The following SLMAP variants were observed in gnomAD, a reference collection of about 807,000 sequenced individuals.
The protein encoded by SLMAP is sarcolemmal membrane-associated protein.
Under a neutral mutation model 128.8 loss-of-function variants are expected in SLMAP, and 44 were observed. The observed-to-expected ratio is 0.34, with a 90% CI of 0.27 to 0.44. The LOEUF (loss-of-function observed/expected upper bound fraction) is 0.44, where lower values mean the gene tolerates loss of function less well. Ranked by LOEUF, SLMAP falls within the 20% of genes least tolerant of loss-of-function variation. The pLI, the probability that SLMAP is intolerant of heterozygous loss-of-function variation, is 1.00. For synonymous variants in SLMAP, 327 were observed against 348.8 expected, an observed-to-expected ratio of 0.94 and a Z score of 0.70; for missense variants, 787 against 985.3, an observed-to-expected ratio of 0.80 and a Z score of 2.69.
intron 2 of SLMAP, among the ~76,000 whole-genome samples, chr3:57,771,219 T>C (rs2080827932): frequency 8.0e-6 from 1 of 125,642 alleles, no homozygotes; most frequent in Admixed American, 7.8e-5. Context: ...TCCTCCTCCT[T>C]TGAGAGAGAG....
intron 13 of SLMAP, among the ~76,000 whole-genome samples, chr3:57,867,888 G>A (rs573928566): frequency 2.2e-4 from 33 of 152,232 alleles, no homozygotes; most frequent in African/African-American, 7.7e-4. Flanking sequence ...CACAGGTTTT[G>A]TACTGTAAAT....
chr3:57,821,912 T>TTCCTCCTCCTCCTCC (rs112836711), intron 2 of SLMAP, among the ~76,000 whole-genome samples: 16 of 148,656 alleles, frequency 1.1e-4, no homozygotes, highest in South Asian at 4.3e-4. Context: ...GCAATACCTG[T>TTCCTCCTCCTCCTCC]TCCTCCTCCT....
At chr3:57,917,243 G>A in intron 22 of SLMAP, 166 bp downstream of exon 22, 1 of 1,480,744 alleles carries the variant, frequency 6.8e-7, no homozygotes, top group Non-Finnish European at 9.0e-7. Context: ...GCATATCATG[G>A]TCCATATGTA....
At chr3:57,884,266 T>A (rs1336063138) in intron 14 of SLMAP, among the ~76,000 whole-genome samples, 1 of 152,158 alleles carries the variant, frequency 6.6e-6, no homozygotes, top group Non-Finnish European at 1.5e-5. Context: ...CAGACAAGTA[T>A]CTCTTTCTTT....
chr3:57,822,548 G>T (rs1407574919), intron 2 of SLMAP, among the ~76,000 whole-genome samples: 1 of 152,162 alleles, frequency 6.6e-6, no homozygotes, highest in Non-Finnish European at 1.5e-5. Context: ...AAGGAAAGAG[G>T]CTGGTAAGTT....
At chr3:57,828,527 G>A (rs1226101607) in intron 2 of SLMAP, among the ~76,000 whole-genome samples, 1 of 152,178 alleles carries the variant, frequency 6.6e-6, no homozygotes, top group African/African-American at 2.4e-5. Context: ...TGAAAAGGAT[G>A]CAGAAGGAAA....
At chr3:57,791,590 G>C (rs1248879464) in intron 2 of SLMAP, among the ~76,000 whole-genome samples, 1 of 151,836 alleles carries the variant, frequency 6.6e-6, no homozygotes, top group Non-Finnish European at 1.5e-5. Flanking sequence ...AAAAAGTTAA[G>C]GTATGAATAA....
chr3:57,892,377 C>T (rs1011992731), intron 15 of SLMAP, among the ~76,000 whole-genome samples: 2 of 152,142 alleles, frequency 1.3e-5, no homozygotes, highest in African/African-American at 4.8e-5. Context: ...TCTGTTTAAT[C>T]TCTAACTCAA....
At chr3:57,786,166 AC>A in intron 2 of SLMAP, among the ~76,000 whole-genome samples, 1 of 152,174 alleles carries the variant, frequency 6.6e-6, no homozygotes. Flanking sequence ...TGTGGTAATA[AC>A]TCCAAAACCA....
Position 57,854,308 on chromosome 3 carries a change from A to G in SLMAP, c.520-3425A>G, listed in dbSNP as rs1402583925. Among the ~76,000 whole-genome samples, 3 of 105,846 alleles carry G rather than the reference A, an allele frequency of 2.8e-5. No homozygotes were observed. In the East Asian group the frequency reaches 8.3e-4, roughly 29 times the overall value. 69.4% of individuals were successfully genotyped at this position (105,846 alleles called of 152,430 possible). A position where few individuals can be genotyped will look rare whatever the true frequency, so the allele number is the denominator to read the frequency against. On this transcript the variant is annotated intron_variant, in intron 6 of 24. Coordinates refer to ENST00000671191, the MANE Select transcript of SLMAP (RefSeq NM_001377540.1). ...TGAAGCAATCTCTCTTTTTAAATGT[A>G]TATATTGGCCGGGCACGGGGGCTCT...
At position 57,912,743 on chromosome 3, in the gene SLMAP, A is replaced by G. The variant is rs762494829; in HGVS notation, c.2020+42A>G. On this transcript the variant is annotated intron_variant, in intron 20 of 24. Coordinates refer to ENST00000671191, the MANE Select transcript of SLMAP (RefSeq NM_001377540.1). ...TACATAAAGCTGTTAACTTTTGACA[A>G]TGATAACTTCTTAACTTGTTTAAAA... is the stretch of plus-strand genomic sequence containing the variant. The G allele has an allele frequency of 4.8e-6, 7 of 1,455,448 alleles. No homozygotes were observed. In the African/African-American group the frequency reaches 9.9e-5, roughly 21 times the overall value. 90.2% of individuals were successfully genotyped at this position (1,455,448 alleles called of 1,614,324 possible).
chr3:57,887,379 G>A (rs2095921786), intron 14 of SLMAP, among the ~76,000 whole-genome samples: 1 of 151,828 alleles, frequency 6.6e-6, no homozygotes, highest in South Asian at 2.1e-4. Flanking sequence ...ACAGACATGC[G>A]CCACCACATC....
chr3:57,775,532 A>T (rs932866256), intron 2 of SLMAP, among the ~76,000 whole-genome samples: 9 of 148,470 alleles, frequency 6.1e-5, no homozygotes, highest in African/African-American at 2.0e-4. Context: ...AAAAAAAAAA[A>T]AAAAAAGAGC....
chr3:57,874,988 G>C (rs773840811), intron 14 of SLMAP, among the ~76,000 whole-genome samples: 1 of 152,104 alleles, frequency 6.6e-6, no homozygotes, highest in Non-Finnish European at 1.5e-5. Flanking sequence ...TACAAAAGGT[G>C]TTTGAAGATT....
chr3:57,856,450 A>G (rs189811493), intron 6 of SLMAP, among the ~76,000 whole-genome samples: 22 of 152,242 alleles, frequency 1.4e-4, no homozygotes, highest in African/African-American at 4.3e-4. Flanking sequence ...TACTTTTTAA[A>G]CTTTTTTGTT....
Position 57,785,923 on chromosome 3 carries a change from T to C in SLMAP, c.198+28074T>C, listed in dbSNP as rs545856349. On this transcript the variant is annotated intron_variant, in intron 2 of 24. Coordinates refer to ENST00000671191, the MANE Select transcript of SLMAP (RefSeq NM_001377540.1). ...GAAAATATAAGTACCTTTATAGTTA[T>C]TTCAGCAAACATTTATCAGTCTTCT... Among the ~76,000 whole-genome samples the C allele has an allele frequency of 6.2e-4, 94 of 152,324 alleles. 1 individual carries two copies. Among genetic ancestry groups the C allele is most frequent in the Non-Finnish European group, 5.7e-4 (39 of 68,024 alleles).
At chr3:57,859,116 G>T (rs1402839006) in intron 8 of SLMAP, among the ~76,000 whole-genome samples, 1 of 152,086 alleles carries the variant, frequency 6.6e-6, no homozygotes, top group Non-Finnish European at 1.5e-5. Context: ...TTGAGGTCAG[G>T]AGTTCAAAAC....
chr3:57,773,147 G>A (rs1401428849), intron 2 of SLMAP, among the ~76,000 whole-genome samples: 1 of 152,186 alleles, frequency 6.6e-6, no homozygotes, highest in Non-Finnish European at 1.5e-5. Flanking sequence ...TGAGATGCCA[G>A]CATCCAAGAA....
chr3:57,837,475 TC>T (rs1182064280), intron 3 of SLMAP, among the ~76,000 whole-genome samples: 1 of 152,156 alleles, frequency 6.6e-6, no homozygotes, highest in Non-Finnish European at 1.5e-5. Context: ...TTCTTGCCAT[TC>T]TCCTGCCTCA....
Sources: gnomAD v4.1 joint callset for allele counts (sites outside exome capture counted in the v4.1 genomes callset) on GRCh38, gnomAD v4.1.1 for gene constraint, MANE v1.5 for transcripts, NCBI Gene and HGNC (gene_info 2026-07-23, HGNC 2026-07-21) for gene names.